The following UBA5 variants were observed in gnomAD, a reference collection of about 807,000 sequenced individuals.
The protein encoded by UBA5 is ubiquitin-like modifier-activating enzyme 5.
A neutral mutation model predicts 52.9 loss-of-function variants in UBA5; 28 were observed. The observed-to-expected ratio is 0.53, with a 90% CI of 0.39 to 0.73. The LOEUF (loss-of-function observed/expected upper bound fraction) is 0.73. Ranked by LOEUF, UBA5 falls within the 30% of genes least tolerant of loss-of-function variation. UBA5 has a pLI of 0.00. For synonymous variants in UBA5, 135 were observed against 162.1 expected (o/e 0.83, Z 1.27); for missense variants, 388 against 492.7 (o/e 0.79, Z 2.01).
intron 10 of UBA5, 59 bp from the exon 11 acceptor site, chr3:132,675,758 A>G: frequency 9.7e-6 from 15 of 1,542,448 alleles, no homozygotes; most frequent in Middle Eastern, 1.7e-4. Flanking sequence ...AGATTATACA[A>G]ATTGAATAAT....
intron 3 of UBA5, 187 bp downstream of exon 3, chr3:132,666,260 G>T (rs1938375654): frequency 1.8e-6 from 1 of 540,908 alleles, no homozygotes; most frequent in Non-Finnish European, 3.3e-6. Flanking sequence ...GACAAAGATT[G>T]TCTAATTGTG....
Position 132,677,157 on chromosome 3 carries a change from G to A in UBA5, c.*631G>A. Reference sequence around the variant, plus strand: ...TCATATATATTCAAAGTGAGACAAAGGCAAATAAAAAGCAGCTATTTTCAT... The same window carrying A: ...TCATATATATTCAAAGTGAGACAAAAGCAAATAAAAAGCAGCTATTTTCAT... On this transcript the variant is annotated 3_prime_UTR_variant, in exon 12 of 12. Coordinates refer to ENST00000356232, the MANE Select transcript of UBA5 (RefSeq NM_024818.6). The A allele has an allele frequency of 5.3e-6, 1 of 190,084 alleles. No homozygotes were observed. The allele number at this position is 190,084 out of a possible 1,614,324, so 11.8% of individuals were successfully genotyped here. A position where few individuals can be genotyped will look rare whatever the true frequency, so the allele number is the denominator to read the frequency against.
At chr3:132,670,094 A>T (rs1184843434) in intron 4 of UBA5, 104 bp from the exon 5 acceptor site, 16 of 626,558 alleles carry the variant, frequency 2.6e-5, no homozygotes, top group Admixed American at 1.4e-4. Flanking sequence ...GTGCGATGAT[A>T]GCTCGCTGTA....
upstream of UBA5, among the ~76,000 whole-genome samples, chr3:132,655,605 C>T (rs1937746713): frequency 6.6e-6 from 1 of 152,176 alleles, no homozygotes; most frequent in Non-Finnish European, 1.5e-5. Context: ...TTGCTGAATG[C>T]CGTGTGCTCG....
At chr3:132,669,206 C>A (rs1454102568) in intron 4 of UBA5, among the ~76,000 whole-genome samples, 2 of 151,938 alleles carry the variant, frequency 1.3e-5, no homozygotes, top group African/African-American at 4.8e-5. Context: ...TGTCTGTGCT[C>A]CAAGAAAATT....
At chr3:132,665,668 C>T (rs375938259) in intron 1 of UBA5, 155 bp from the exon 2 acceptor site, 94 of 671,312 alleles carry the variant, frequency 1.4e-4, no homozygotes, top group African/African-American at 3.4e-4. Context: ...AATTTAGTTT[C>T]ATCTGGTAAA....
upstream of UBA5, among the ~76,000 whole-genome samples, chr3:132,658,627 T>C (rs1400330180): frequency 6.6e-6 from 1 of 152,340 alleles, no homozygotes; most frequent in East Asian, 1.9e-4. Context: ...CAGCTATTCT[T>C]TATTCCACCT....
rs759846536 is a variant in UBA5 at position 132,676,493 on chromosome 3, G to A, written c.1182G>A (p.Leu394=). Residue 394 remains leucine (L), a synonymous_variant, in exon 12 of 12, where the codon TTG becomes TTA. Transcript: ENST00000356232. This position sits in a 1 kb window ranked among gnomAD's most constrained non-coding sequence, Gnocchi z 4.1. Reference sequence around the variant, plus strand: ...CAGTGGAAGATTCTGGTGAAAGCTTGGAAGACCTCATGGCCAAAATGAAGA... The same window carrying A: ...CAGTGGAAGATTCTGGTGAAAGCTTAGAAGACCTCATGGCCAAAATGAAGA... ...ELTVEDSGES[L]EDLMAKMKNM 3 of 1,610,914 alleles carry A rather than the reference G, an allele frequency of 1.9e-6. No homozygotes were observed. The South Asian group carries it at 3.3e-5, about 18-fold the overall frequency.
At chr3:132,675,496 A>C in intron 9 of UBA5, 109 bp from the exon 10 acceptor site, 1 of 1,517,850 alleles carries the variant, frequency 6.6e-7, no homozygotes, top group East Asian at 2.3e-5. Context: ...TCAAAAATGA[A>C]TGTTCTTTCT....
In UBA5 at chr3:132,660,805, C is replaced by A; in HGVS notation, c.161+107C>A. ...CCCGCTCATGGGGACGCCCGCCACC[C>A]TTTTCTTGGTCTGCGAATCCTGTTC... is the stretch of plus-strand genomic sequence containing the variant. On this transcript the variant is annotated intron_variant, in intron 1 of 11. Transcript: ENST00000356232. This position sits in a 1 kb window ranked among gnomAD's most constrained non-coding sequence, Gnocchi z 4.1. 6.9e-7 allele frequency: 1 copy of A among 1,449,684 alleles called. No individual in the cohort carries two copies. The highest frequency in any genetic ancestry group is 9.1e-7 in the Non-Finnish European group (1 of 1,097,592). The allele number at this position is 1,449,684 out of a possible 1,614,324, so 89.8% of individuals were successfully genotyped here.
At chr3:132,671,742 T>C in intron 6 of UBA5, 35 bp from the exon 7 acceptor site, 8 of 1,514,520 alleles carry the variant, frequency 5.3e-6, no homozygotes, top group Non-Finnish European at 7.2e-6. Flanking sequence ...GCTCTTTTAT[T>C]TTTTTTCCTT....
chr3:132,655,382 C>T (rs1459535939), upstream of UBA5, among the ~76,000 whole-genome samples: 1 of 152,146 alleles, frequency 6.6e-6, no homozygotes, highest in African/African-American at 2.4e-5. Context: ...AAGTCTCTCT[C>T]CATCTCAATT....
chr3:132,656,852 T>G (rs1026850831), upstream of UBA5, among the ~76,000 whole-genome samples: 13 of 151,034 alleles, frequency 8.6e-5, no homozygotes, highest in Non-Finnish European at 1.5e-4. Flanking sequence ...TTGTGTTGTT[T>G]TTTTTTTTTT....
intron 5 of UBA5, chr3:132,670,714 T>C (rs1938563438): frequency 3.5e-6 from 1 of 282,134 alleles, no homozygotes; most frequent in Non-Finnish European, 6.5e-6. Context: ...GAACATACTT[T>C]ATACTTCCTT....
chr3:132,670,989 A>AC lies in UBA5; in HGVS notation c.521dup (p.Val175CysfsTer2). 6.2e-7 allele frequency: 1 copy of AC among 1,613,330 alleles called. No individual in the cohort carries two copies. The highest frequency in any genetic ancestry group is 8.5e-7 in the Non-Finnish European group (1 of 1,179,518). On this transcript the variant is annotated frameshift_variant, in exon 6 of 12. Coordinates refer to ENST00000356232, the MANE Select transcript of UBA5 (RefSeq NM_024818.6). LOFTEE classifies it high-confidence loss of function. ...GTAATGGTGGGTTAGAAGAAGGAAA[A>AC]CCTGTTGATCTAGTTCTTAGCTGTG...
In UBA5 at chr3:132,676,980, G is replaced by T; in HGVS notation, c.*454G>T. 1 of 379,018 alleles carries T rather than the reference G, an allele frequency of 2.6e-6. No individual in the cohort carries two copies. 23.5% of individuals were successfully genotyped at this position (379,018 alleles called of 1,614,324 possible). A position where few individuals can be genotyped will look rare whatever the true frequency, so the allele number is the denominator to read the frequency against. The stretch of plus-strand genomic sequence containing the variant: ...TGGCAAGCATCTGCTCATTATGTTT[G>T]GAATTGCTTTCTATAAGAAAATTGC... On this transcript the variant is annotated 3_prime_UTR_variant, in exon 12 of 12. Coordinates refer to ENST00000356232, the MANE Select transcript of UBA5 (RefSeq NM_024818.6). This position sits in a 1 kb window ranked among gnomAD's most constrained non-coding sequence, Gnocchi z 4.1.
chr3:132,659,996 G>A, upstream of UBA5: 1 of 454,850 alleles, frequency 2.2e-6, no homozygotes, highest in Non-Finnish European at 3.8e-6. Flanking sequence ...TCCAGTCAGC[G>A]TCAGAGTTGG....
rs1559992574 is a variant in UBA5, at chr3:132,671,867, T to G, written c.670T>G (p.Ser224Ala). The change falls in exon 7 of 12, where the codon TCT (serine) becomes GCT (alanine). Residue 224 changes from serine to alanine, a missense_variant. Physicochemically the swap from Ser to Ala is moderately conservative, Grantham distance 99. This residue lies in a region of UBA5 where 277 missense variants were observed against 326.4 expected (regional missense o/e 0.85). Coordinates refer to ENST00000356232, the MANE Select transcript of UBA5 (RefSeq NM_024818.6). ...GHIQLIIPGE[S>A]ACFACAPPLV... ...TATACAGCTTATAATTCCTGGAGAATCTGCTTGTTTTGCGGTATGCATTAT... is the reference window on the plus strand; with the variant it reads ...TATACAGCTTATAATTCCTGGAGAAGCTGCTTGTTTTGCGGTATGCATTAT... 1 of 1,613,364 alleles carries G rather than the reference T, an allele frequency of 6.2e-7. No homozygotes were observed. Among genetic ancestry groups the G allele is most frequent in the Non-Finnish European group, 8.5e-7 (1 of 1,179,752 alleles).
intron 8 of UBA5, among the ~76,000 whole-genome samples, chr3:132,672,607 T>C (rs954000637): frequency 1.3e-5 from 2 of 152,274 alleles, no homozygotes; most frequent in South Asian, 2.1e-4. Flanking sequence ...TTACCAAAAA[T>C]AAACCAATGT....
Sources: allele counts gnomAD v4.1 joint callset (sites outside exome capture counted in the v4.1 genomes callset), GRCh38; gene constraint gnomAD v4.1.1; regional missense constraint gnomAD v4.1.1; non-coding constraint Gnocchi (gnomAD v3.1); transcripts MANE v1.5; gene names NCBI Gene and HGNC (gene_info 2026-07-23, HGNC 2026-07-21).